The following PIP5K1C variants were observed in gnomAD, a reference collection of about 807,000 sequenced individuals.
PIP5K1C encodes phosphatidylinositol 4-phosphate 5-kinase type-1 gamma.
Under a neutral mutation model 80.1 loss-of-function variants are expected in PIP5K1C, and 45 were observed. The observed-to-expected ratio is 0.56, with a 90% CI of 0.44 to 0.72. The LOEUF (loss-of-function observed/expected upper bound fraction) is 0.72. PIP5K1C is among the 30% of genes least tolerant of loss of function. The probability of loss-of-function intolerance (pLI) is 0.00; values close to 1 mark genes in which losing one functional copy is unlikely to be tolerated. For synonymous variants in PIP5K1C, 498 were observed against 420.1 expected (o/e 1.19, Z -2.27); for missense variants, 753 against 954.6 (o/e 0.79, Z 2.78).
Position 3,651,836 on chromosome 19 carries a change from A to G in PIP5K1C, c.1117T>C (p.Ser373Pro). Residue 373 changes from serine (S) to proline (P), a missense_variant, in exon 8 of 18, where the codon TCG (serine) becomes CCG (proline). Ser to Pro is a moderately conservative substitution (Grantham distance 74, BLOSUM62 -1). Coordinates refer to ENST00000335312, the MANE Select transcript of PIP5K1C (RefSeq NM_012398.3). ...CCCCCGCCCACCTACGTGTCATCCGATTCGATGGCCTCCCCGCGCGCGGCG... is the reference window on the plus strand; with the variant it reads ...CCCCCGCCCACCTACGTGTCATCCGGTTCGATGGCCTCCCCGCGCGCGGCG... The part of the protein sequence containing the change: ...GGAARGEAIE[S>P]DDTMGGIPAV... 1 of 1,611,668 alleles carries G rather than the reference A, an allele frequency of 6.2e-7. No individual in the cohort carries two copies. The highest frequency in any genetic ancestry group is 1.3e-5 in the African/African-American group (1 of 75,018).
At chr19:3,694,500 C>T (rs957529183) in intron 1 of PIP5K1C, among the ~76,000 whole-genome samples, 1 of 152,236 alleles carries the variant, frequency 6.6e-6, no homozygotes, top group Non-Finnish European at 1.5e-5. Flanking sequence ...TCGTCTGCCT[C>T]CAGGCACCGG....
At chr19:3,664,706 C>T (rs768503517) in intron 3 of PIP5K1C, 116 bp downstream of exon 3, 230 of 903,776 alleles carry the variant, frequency 2.5e-4, no homozygotes, top group Non-Finnish European at 4.1e-4. Flanking sequence ...ACACCTGTCC[C>T]TGGGCAGACC....
intron 8 of PIP5K1C, among the ~76,000 whole-genome samples, chr19:3,650,705 C>T (rs1431695366): frequency 6.6e-6 from 1 of 152,228 alleles, no homozygotes; most frequent in Non-Finnish European, 1.5e-5. Context: ...GACTGCAGGC[C>T]ACTGAGATGT....
Position 3,653,347 on chromosome 19 carries a change from G to A in PIP5K1C, c.864C>T (p.Leu288=), listed in dbSNP as rs1366140335. 2.5e-6 allele frequency: 4 copies of A among 1,611,870 alleles called. No homozygotes were observed. Among genetic ancestry groups the A allele is most frequent in the Middle Eastern group, 1.6e-4 (1 of 6,062 alleles). The change falls in exon 7 of 18, where the codon CTC becomes CTT. Residue 288 remains leucine, a synonymous_variant. Coordinates refer to ENST00000335312, the MANE Select transcript of PIP5K1C (RefSeq NM_012398.3). Reference sequence around the variant, plus strand: ...CGCTGAAGGTGTCGGCGTCCAGCAGGAGCCCCTCGGGCATGTCCTGCATGA... The same window carrying A: ...CGCTGAAGGTGTCGGCGTCCAGCAGAAGCCCCTCGGGCATGTCCTGCATGA... ...LDFMQDMPEG[L]LLDADTFSAL...
rs1397171940 is a variant in PIP5K1C at position 3,637,916 on chromosome 19, T to C, written c.1920+968A>G. 2 of 1,534,990 alleles carry C rather than the reference T, an allele frequency of 1.3e-6. No individual in the cohort carries two copies. Among genetic ancestry groups the C allele is most frequent in the East Asian group, 4.9e-5 (2 of 40,864 alleles). ...CACAAACCAGTCCCAGGAAAAGGGG[T>C]GACGACGTGCGGTGGGTAGGGGCAC... On this transcript the variant is annotated intron_variant, in intron 16 of 17. Transcript: ENST00000335312. This position sits in a 1 kb window ranked among gnomAD's most constrained non-coding sequence, Gnocchi z 7.0.
rs890328793 is a variant in PIP5K1C, at chr19:3,632,972, C to T, written c.*195G>A. The T allele has an allele frequency of 2.1e-5, 11 of 529,890 alleles. No homozygotes were observed. The East Asian group carries it at 2.3e-4, about 11-fold the overall frequency. The allele number at this position is 529,890 out of a possible 1,614,324, so 32.8% of individuals were successfully genotyped here. Reference sequence around the variant, plus strand: ...GGGTCTCACAGGGGCAGGCTGCCGACCGGGGTGCCGGGGCCCTGGGAGGCT... The same window carrying T: ...GGGTCTCACAGGGGCAGGCTGCCGATCGGGGTGCCGGGGCCCTGGGAGGCT... On this transcript the variant is annotated 3_prime_UTR_variant, in exon 18 of 18. Transcript: ENST00000335312.
chr19:3,643,016 GCCTGCCTACCTGCCCCCTGGCAGC>G (rs1360583269), intron 13 of PIP5K1C, 77 bp from the exon 14 acceptor site: 14 of 1,557,904 alleles, frequency 9.0e-6, no homozygotes, highest in Non-Finnish European at 1.2e-5. Context: ...TTGCCTACCC[GCCTGCCTACCTGCCCCCTGGCAGC>G]CCTGCCCACC....
At chr19:3,680,496 G>A (rs974370125) in intron 1 of PIP5K1C, among the ~76,000 whole-genome samples, 9 of 152,266 alleles carry the variant, frequency 5.9e-5, no homozygotes, top group Admixed American at 1.3e-4. Flanking sequence ...TAGAGATGGC[G>A]TTTCACCATG....
chr19:3,642,801 G>A (rs2034020920), intron 14 of PIP5K1C, 106 bp downstream of exon 14: 1 of 890,366 alleles, frequency 1.1e-6, no homozygotes, highest in Non-Finnish European at 1.9e-6. Context: ...TCTGTCCCCA[G>A]GAGAGAATGG....
intron 1 of PIP5K1C, among the ~76,000 whole-genome samples, chr19:3,670,727 TCGGGCCACC>T (rs2035178528): frequency 6.6e-6 from 1 of 152,052 alleles, no homozygotes; most frequent in East Asian, 1.9e-4. Context: ...GGTCCTCCCC[TCGGGCCACC>T]TGGATGCCCT....
rs1373590732 is a variant in PIP5K1C at position 3,688,557 on chromosome 19, T to C, written c.94+11740A>G. Reference sequence around the variant, plus strand: ...CTGTGAGCACCTGGCCTTTCCCTGGTCCACTGAGAGCCGCGTGTGTTTTTT... The same window carrying C: ...CTGTGAGCACCTGGCCTTTCCCTGGCCCACTGAGAGCCGCGTGTGTTTTTT... On this transcript the variant is annotated intron_variant, in intron 1 of 17. Coordinates refer to ENST00000335312, the MANE Select transcript of PIP5K1C (RefSeq NM_012398.3). This position sits in a 1 kb window ranked among gnomAD's most constrained non-coding sequence, Gnocchi z 5.3. Among the ~76,000 whole-genome samples the C allele has an allele frequency of 6.6e-6, 1 of 152,142 alleles. No individual in the cohort carries two copies. The highest frequency in any genetic ancestry group is 1.5e-5 in the Non-Finnish European group (1 of 68,014).
At chr19:3,663,881 G>A (rs370260588) in intron 3 of PIP5K1C, among the ~76,000 whole-genome samples, 13 of 152,326 alleles carry the variant, frequency 8.5e-5, no homozygotes, top group South Asian at 2.1e-4. Context: ...GTGTCTGCCC[G>A]AGACAAACGA....
At chr19:3,681,550 G>C (rs2035590180) in intron 1 of PIP5K1C, among the ~76,000 whole-genome samples, 1 of 152,054 alleles carries the variant, frequency 6.6e-6, no homozygotes, top group Admixed American at 6.6e-5. Flanking sequence ...TCTTTTGTTT[G>C]AAGTTCCCTG....
chr19:3,690,032 G>A (rs540125912), intron 1 of PIP5K1C, among the ~76,000 whole-genome samples: 22 of 152,124 alleles, frequency 1.4e-4, no homozygotes, highest in Admixed American at 1.2e-3. Context: ...AACACCTGGG[G>A]TGACAGTCAT....
At chr19:3,693,934 T>C (rs1012408863) in intron 1 of PIP5K1C, among the ~76,000 whole-genome samples, 5 of 151,394 alleles carry the variant, frequency 3.3e-5, no homozygotes, top group African/African-American at 2.4e-5. Flanking sequence ...TAAAAGAGGC[T>C]GGGCGCGGTG....
intron 5 of PIP5K1C, among the ~76,000 whole-genome samples, chr19:3,657,635 G>A (rs1300508323): frequency 6.6e-6 from 1 of 152,088 alleles, no homozygotes; most frequent in Non-Finnish European, 1.5e-5. Context: ...GAGCAGAAGC[G>A]AGGGGAGGCC....
intron 5 of PIP5K1C, among the ~76,000 whole-genome samples, chr19:3,658,595 G>A (rs1007137386): frequency 2.6e-5 from 4 of 152,220 alleles, no homozygotes; most frequent in South Asian, 2.1e-4. Context: ...AGGGGACCCC[G>A]CCAAGCCCTG....
chr19:3,691,854 G>C (rs1255152414), intron 1 of PIP5K1C, among the ~76,000 whole-genome samples: 1 of 152,216 alleles, frequency 6.6e-6, no homozygotes, highest in African/African-American at 2.4e-5. Context: ...AGCGAGAAAT[G>C]AGCCTCTGGG....
At chr19:3,694,211 CAAAA>C (rs1175485721) in intron 1 of PIP5K1C, among the ~76,000 whole-genome samples, 2 of 57,496 alleles carry the variant, frequency 3.5e-5, no homozygotes, top group Non-Finnish European at 3.5e-5. Context: ...GACTCCATCT[CAAAA>C]AAAAAAAAAA....
Sources: allele counts gnomAD v4.1 joint callset (sites outside exome capture counted in the v4.1 genomes callset), GRCh38; gene constraint gnomAD v4.1.1; non-coding constraint Gnocchi (gnomAD v3.1); transcripts MANE v1.5; gene names NCBI Gene and HGNC (gene_info 2026-07-23, HGNC 2026-07-21).